LDLRAD3: variants seen among roughly 807,000 people sequenced by gnomAD.
LDLRAD3 encodes the protein low density lipoprotein receptor class A domain containing 3.
Under a neutral mutation model 29.4 loss-of-function variants are expected in LDLRAD3, and 20 were observed. The observed-to-expected ratio is 0.68, with a 90% CI of 0.48 to 0.99. The LOEUF is 0.99. Ranked by LOEUF, LDLRAD3 falls within the 50% of genes least tolerant of loss-of-function variation. The probability of loss-of-function intolerance (pLI) is 0.00; values close to 1 mark genes in which losing one functional copy is unlikely to be tolerated. For synonymous variants in LDLRAD3, 157 were observed against 192.7 expected (o/e 0.81, Z 1.53); for missense variants, 420 against 454.3 (o/e 0.92, Z 0.69).
At chr11:36,156,879 G>A (rs1854360986) in intron 4 of LDLRAD3, among the ~76,000 whole-genome samples, 1 of 152,240 alleles carries the variant, frequency 6.6e-6, no homozygotes, top group Non-Finnish European at 1.5e-5. Flanking sequence ...ATTCATTTGG[G>A]AGAACGTGTG....
chr11:36,152,809 G>A (rs1762469980), intron 4 of LDLRAD3, among the ~76,000 whole-genome samples: 1 of 152,204 alleles, frequency 6.6e-6, no homozygotes, highest in Non-Finnish European at 1.5e-5. Flanking sequence ...TTTTTGCTCT[G>A]TAACCTTTTG....
intron 4 of LDLRAD3, among the ~76,000 whole-genome samples, chr11:36,191,582 A>G (rs554133249): frequency 1.2e-4 from 9 of 74,042 alleles, no homozygotes; most frequent in Admixed American, 1.1e-3. Flanking sequence ...CTCTCTATAT[A>G]TATATATATA....
intron 1 of LDLRAD3, among the ~76,000 whole-genome samples, chr11:35,978,251 G>T (rs1851498761): frequency 6.6e-6 from 1 of 152,202 alleles, no homozygotes; most frequent in Non-Finnish European, 1.5e-5. Flanking sequence ...GTTTCCCATT[G>T]CATCAAAGGC....
chr11:36,030,631 C>T (rs1030381944), intron 1 of LDLRAD3, among the ~76,000 whole-genome samples: 21 of 152,116 alleles, frequency 1.4e-4, no homozygotes, highest in African/African-American at 5.1e-4. Flanking sequence ...AATGCTAAGC[C>T]GTATGTGTGT....
chr11:35,976,972 A>G (rs915431090), intron 1 of LDLRAD3, among the ~76,000 whole-genome samples: 3 of 152,150 alleles, frequency 2.0e-5, no homozygotes, highest in Non-Finnish European at 2.9e-5. Flanking sequence ...ATATTTACAA[A>G]TGTGGTTTTT....
chr11:35,985,820 G>A (rs1303662563), intron 1 of LDLRAD3, among the ~76,000 whole-genome samples: 1 of 151,122 alleles, frequency 6.6e-6, no homozygotes, highest in African/African-American at 2.4e-5. Context: ...CCCCAGCCAT[G>A]TGGAACTGTG....
chr11:36,178,106 C>G (rs1854705614), intron 4 of LDLRAD3, among the ~76,000 whole-genome samples: 1 of 152,112 alleles, frequency 6.6e-6, no homozygotes, highest in South Asian at 2.1e-4. Flanking sequence ...CTGTTCTGTC[C>G]TTCTGAGTGG....
rs756482213 is a variant in LDLRAD3, at chr11:36,159,528, G to A, written c.454+61067G>A. Among the ~76,000 whole-genome samples, 8 of 144,880 alleles carry A rather than the reference G, an allele frequency of 5.5e-5. 1 individual carries two copies. The highest frequency in any genetic ancestry group is 1.0e-4 in the Non-Finnish European group (7 of 67,200). Reference sequence around the variant, plus strand: ...TGCTGTAATCCCAGGGGAAGCCAAGGCAGAAGGATCACTTGAGGCCAGGAG... The same window carrying A: ...TGCTGTAATCCCAGGGGAAGCCAAGACAGAAGGATCACTTGAGGCCAGGAG... On this transcript the variant is annotated intron_variant, in intron 4 of 5. Coordinates refer to ENST00000315571, the MANE Select transcript of LDLRAD3 (RefSeq NM_174902.4).
At chr11:35,951,836 T>A (rs890787814) in intron 1 of LDLRAD3, among the ~76,000 whole-genome samples, 3 of 152,238 alleles carry the variant, frequency 2.0e-5, no homozygotes, top group Non-Finnish European at 2.9e-5. Context: ...TAGGAACAGC[T>A]GTGACCAAGT....
intron 2 of LDLRAD3, among the ~76,000 whole-genome samples, chr11:36,053,510 G>C (rs997859002): frequency 6.6e-6 from 1 of 152,122 alleles, no homozygotes; most frequent in Non-Finnish European, 1.5e-5. Context: ...GTGTTGTACG[G>C]CTGGGTAAGT....
chr11:36,200,340 C>T (rs11601619), intron 4 of LDLRAD3, among the ~76,000 whole-genome samples: 11,618 of 152,126 alleles, frequency 0.076, 518 homozygotes, highest in East Asian at 0.2. Context: ...GCACGCACTC[C>T]GGTGTTCCCT....
chr11:35,963,114 A>G (rs927059761), intron 1 of LDLRAD3, among the ~76,000 whole-genome samples: 2 of 152,206 alleles, frequency 1.3e-5, no homozygotes, highest in Admixed American at 1.3e-4. Flanking sequence ...CCATTTTATT[A>G]AAATTTTAAT....
At chr11:36,009,318 GT>G (rs1851925655) in intron 1 of LDLRAD3, among the ~76,000 whole-genome samples, 1 of 152,132 alleles carries the variant, frequency 6.6e-6, no homozygotes, top group African/African-American at 2.4e-5. Context: ...CCAAACCATA[GT>G]TTAGACCCCC....
rs1260202893 is a variant in LDLRAD3, at chr11:35,974,303, AT to A, written c.46+30170del. 5.2e-3 allele frequency among the ~76,000 whole-genome samples: 748 copies of A among 144,548 alleles called. 2 individuals are homozygous for A. The highest frequency in any genetic ancestry group is 8.6e-3 in the Non-Finnish European group (565 of 65,432). The allele number at this position is 144,548 out of a possible 152,430, so 94.8% of individuals were successfully genotyped here. On this transcript the variant is annotated intron_variant, in intron 1 of 5. Transcript: ENST00000315571. ...ATGTGAGAGTGAGGGATCCAGCTTT[AT>A]TTTTTTTTTTCAGGGGCTACCCAGT...
intron 1 of LDLRAD3, among the ~76,000 whole-genome samples, chr11:35,948,663 A>G (rs372740548): frequency 1.3e-5 from 2 of 152,166 alleles, no homozygotes; most frequent in African/African-American, 4.8e-5. Flanking sequence ...GTGGACTTTT[A>G]TGACAGAGTA....
chr11:36,056,929 A>G (rs969606733), intron 2 of LDLRAD3, among the ~76,000 whole-genome samples: 1 of 152,146 alleles, frequency 6.6e-6, no homozygotes, highest in Non-Finnish European at 1.5e-5. Flanking sequence ...GGTCTTGGTA[A>G]AATGCAGAGT....
At chr11:36,183,453 G>T (rs1007811321) in intron 4 of LDLRAD3, among the ~76,000 whole-genome samples, 1 of 152,156 alleles carries the variant, frequency 6.6e-6, no homozygotes, top group African/African-American at 2.4e-5. Context: ...GAGAAATATT[G>T]CACACTCTGT....
At chr11:36,070,672 T>C (rs942197990) in intron 2 of LDLRAD3, among the ~76,000 whole-genome samples, 14 of 152,140 alleles carry the variant, frequency 9.2e-5, no homozygotes, top group Admixed American at 3.9e-4. Context: ...TTAGTGCCCA[T>C]TGAGATCCTT....
At chr11:35,959,041 A>G (rs1470843600) in intron 1 of LDLRAD3, among the ~76,000 whole-genome samples, 2 of 152,204 alleles carry the variant, frequency 1.3e-5, no homozygotes, top group Non-Finnish European at 2.9e-5. Context: ...ATACAAATCA[A>G]GATGGTGTCG....
Sources: allele counts gnomAD v4.1 joint callset (sites outside exome capture counted in the v4.1 genomes callset), GRCh38; gene constraint gnomAD v4.1.1; transcripts MANE v1.5; gene names NCBI Gene and HGNC (gene_info 2026-07-23, HGNC 2026-07-21).